Variants in ST6GAL2 observed in about 807,000 individuals in gnomAD.
The protein encoded by ST6GAL2 is ST6 beta-galactoside alpha-2,6-sialyltransferase 2.
ST6GAL2 carries 24 observed loss-of-function variants against 37.5 expected under a neutral mutation model. That is an observed-to-expected ratio of 0.64 (90% CI 0.46 to 0.90). ST6GAL2 has a LOEUF of 0.90. ST6GAL2 is among the 40% of genes least tolerant of loss of function. The pLI is 0.00. For synonymous variants in ST6GAL2, 306 were observed against 295.1 expected (o/e 1.04, Z -0.38); for missense variants, 715 against 712.7 (o/e 1.00, Z -0.04).
At chr2:106,813,266 T>C in intron 5 of ST6GAL2, 1 of 1,280,252 alleles carries the variant, frequency 7.8e-7, no homozygotes, top group Non-Finnish European at 1.0e-6. Flanking sequence ...TATTAGTATT[T>C]TCTAGGCAAT....
intron 2 of ST6GAL2, among the ~76,000 whole-genome samples, chr2:106,840,463 A>C (rs1676833143): frequency 6.6e-6 from 1 of 152,224 alleles, no homozygotes; most frequent in Non-Finnish European, 1.5e-5. Flanking sequence ...CTTTTTGTTT[A>C]TACAAATTGA....
Position 106,801,646 on chromosome 2 carries a change from A to T in ST6GAL2, c.*5032T>A, listed in dbSNP as rs1001388926. The T allele has an allele frequency of 6.6e-6, 1 of 152,280 alleles. No individual in the cohort carries two copies. Among genetic ancestry groups the T allele is most frequent in the Non-Finnish European group, 1.5e-5 (1 of 68,048 alleles). The allele number at this position is 152,280 out of a possible 1,614,324, so 9.4% of individuals were successfully genotyped here. A position where few individuals can be genotyped will look rare whatever the true frequency, so the allele number is the denominator to read the frequency against. On this transcript the variant is annotated 3_prime_UTR_variant, in exon 6 of 6. Transcript: ENST00000409382. ...TTTTATTTACAAGAAAAAAGTCTGT[A>T]CATTGTGTATACATAAAAATATACA... is the stretch of plus-strand genomic sequence containing the variant.
At chr2:106,826,087 A>G (rs1676191200) in intron 5 of ST6GAL2, among the ~76,000 whole-genome samples, 1 of 152,236 alleles carries the variant, frequency 6.6e-6, no homozygotes, top group South Asian at 2.1e-4. Flanking sequence ...TATTTCAAAC[A>G]TGCAGATTCC....
At chr2:106,818,263 G>A (rs1400828633) in intron 5 of ST6GAL2, among the ~76,000 whole-genome samples, 3 of 152,218 alleles carry the variant, frequency 2.0e-5, no homozygotes, top group Non-Finnish European at 2.9e-5. Context: ...GTCCTTAGGT[G>A]AGAGCCAGTG....
At chr2:106,821,564 C>A (rs2104442056) in intron 5 of ST6GAL2, among the ~76,000 whole-genome samples, 1 of 151,900 alleles carries the variant, frequency 6.6e-6, no homozygotes, top group East Asian at 1.9e-4. Flanking sequence ...GATTCAATGG[C>A]TTTACTGCTG....
intron 2 of ST6GAL2, among the ~76,000 whole-genome samples, chr2:106,837,476 C>G (rs949300497): frequency 2.0e-5 from 3 of 152,126 alleles, no homozygotes; most frequent in Admixed American, 1.3e-4. Context: ...CATGGACCCT[C>G]GAAAGGGTCT....
chr2:106,819,781 AC>A (rs1178046484), intron 5 of ST6GAL2, among the ~76,000 whole-genome samples: 1 of 152,024 alleles, frequency 6.6e-6, no homozygotes, highest in Non-Finnish European at 1.5e-5. Flanking sequence ...AATAACTATA[AC>A]AACTTTTCAA....
chr2:106,885,117 G>A (rs907512418), intron 1 of ST6GAL2, among the ~76,000 whole-genome samples: 2 of 151,572 alleles, frequency 1.3e-5, no homozygotes, highest in Non-Finnish European at 2.9e-5. Context: ...TTTTTCAAGT[G>A]TGCAGAAAGT....
Position 106,803,249 on chromosome 2 carries a change from A to G in ST6GAL2, c.*3429T>C, listed in dbSNP as rs2104400161. The stretch of plus-strand genomic sequence containing the variant: ...CCAGGATTGATTAAGTGTCTGGCTG[A>G]GAGACCAAGAGGACCAGACACATGG... On this transcript the variant is annotated 3_prime_UTR_variant, in exon 6 of 6. Transcript: ENST00000409382. The G allele has an allele frequency of 6.6e-6, 1 of 152,342 alleles. No individual in the cohort carries two copies. Among genetic ancestry groups the G allele is most frequent in the South Asian group, 2.1e-4 (1 of 4,814 alleles). The allele number at this position is 152,342 out of a possible 1,614,324, so 9.4% of individuals were successfully genotyped here.
intron 1 of ST6GAL2, among the ~76,000 whole-genome samples, chr2:106,855,206 A>G (rs1677526285): frequency 6.6e-6 from 1 of 152,254 alleles, no homozygotes; most frequent in African/African-American, 2.4e-5. Flanking sequence ...TTCAAATTCC[A>G]GAATCTCTCT....
At chr2:106,874,982 C>G (rs760479174) in intron 1 of ST6GAL2, among the ~76,000 whole-genome samples, 1 of 152,182 alleles carries the variant, frequency 6.6e-6, no homozygotes, top group Non-Finnish European at 1.5e-5. Flanking sequence ...GTACCATTTA[C>G]ATCTGGCTCT....
intron 5 of ST6GAL2, among the ~76,000 whole-genome samples, chr2:106,823,531 T>C (rs1676091666): frequency 7.6e-6 from 1 of 132,012 alleles, no homozygotes. Context: ...AGAGAAAGAT[T>C]TCCTAATCCA....
At chr2:106,852,887 A>G (rs1449772430) in intron 1 of ST6GAL2, among the ~76,000 whole-genome samples, 2 of 152,196 alleles carry the variant, frequency 1.3e-5, no homozygotes, top group African/African-American at 4.8e-5. Context: ...TGGGCACTGT[A>G]TCTAGCACCT....
chr2:106,832,996 T>C (rs1332813951), intron 3 of ST6GAL2, among the ~76,000 whole-genome samples: 1 of 152,144 alleles, frequency 6.6e-6, no homozygotes, highest in Non-Finnish European at 1.5e-5. Context: ...TGCCTTCACA[T>C]GTAATTTGGA....
intron 1 of ST6GAL2, among the ~76,000 whole-genome samples, chr2:106,848,212 A>G (rs1288975024): frequency 6.6e-6 from 1 of 151,984 alleles, no homozygotes; most frequent in Non-Finnish European, 1.5e-5. Context: ...TGGTGATCAG[A>G]GCCCAAGCTG....
Position 106,832,579 on chromosome 2 carries a change from C to A in ST6GAL2, c.1129G>T (p.Ala377Ser). The part of the protein sequence containing the change: ...LVAWDPAPYS[A>S]NLNLWYKKPD... ...GAAACACTTACCAGGTTAAGATTTG[C>A]GGAATATGGGGCAGGGTCCCAGGCC... Residue 377 changes from alanine (A) to serine (S), a missense_variant, in exon 4 of 6, where the codon GCA becomes TCA. Coordinates refer to ENST00000409382, the MANE Select transcript of ST6GAL2 (RefSeq NM_001142351.2). 1 of 1,578,826 alleles carries A rather than the reference C, an allele frequency of 6.3e-7. No homozygotes were observed. The highest frequency in any genetic ancestry group is 8.6e-7 in the Non-Finnish European group (1 of 1,162,646).
At chr2:106,869,371 T>C (rs1403072267) in intron 1 of ST6GAL2, among the ~76,000 whole-genome samples, 1 of 152,190 alleles carries the variant, frequency 6.6e-6, no homozygotes, top group African/African-American at 2.4e-5. Flanking sequence ...TCTGTCAATT[T>C]TCTGCAGCAA....
At position 106,806,573 on chromosome 2, in the gene ST6GAL2, A is replaced by G; in HGVS notation, c.*105T>C. On this transcript the variant is annotated 3_prime_UTR_variant, in exon 6 of 6. Transcript: ENST00000409382. Reference sequence around the variant, plus strand: ...CATGACCACCACTAAATTACTGTTTAAAGACTCAAAACTACACTGTCTAAA... The same window carrying G: ...CATGACCACCACTAAATTACTGTTTGAAGACTCAAAACTACACTGTCTAAA... 7.7e-7 allele frequency: 1 copy of G among 1,299,344 alleles called. No homozygotes were observed. The highest frequency in any genetic ancestry group is 1.1e-6 in the Non-Finnish European group (1 of 935,232). 80.5% of individuals were successfully genotyped at this position (1,299,344 alleles called of 1,614,324 possible).
At position 106,843,782 on chromosome 2, in the gene ST6GAL2, G is replaced by A; in HGVS notation, c.196C>T (p.His66Tyr). Residue 66 changes from histidine to tyrosine, a missense_variant, in exon 2 of 6, where the codon CAT becomes TAT. This residue lies in a region of ST6GAL2 where 512 missense variants were observed against 488.8 expected (regional missense o/e 1.05). Transcript: ENST00000409382. ...GKQRAIMGAAHEPSPPGGLDA... is the reference protein window; with the variant it reads ...GKQRAIMGAAYEPSPPGGLDA... Reference sequence around the variant, plus strand: ...AGGCCCCCAGGCGGGGAGGGCTCATGTGCGGCGCCCATGATGGCCCGCTGC... The same window carrying A: ...AGGCCCCCAGGCGGGGAGGGCTCATATGCGGCGCCCATGATGGCCCGCTGC... 1 of 1,610,728 alleles carries A rather than the reference G, an allele frequency of 6.2e-7. No homozygotes were observed. The highest frequency in any genetic ancestry group is 8.5e-7 in the Non-Finnish European group (1 of 1,178,420).
Sources: allele counts gnomAD v4.1 joint callset (sites outside exome capture counted in the v4.1 genomes callset), GRCh38; gene constraint gnomAD v4.1.1; regional missense constraint gnomAD v4.1.1; transcripts MANE v1.5; gene names NCBI Gene and HGNC (gene_info 2026-07-23, HGNC 2026-07-21).